MED13: variants seen among roughly 807,000 people sequenced by gnomAD.
The protein encoded by MED13 is mediator of RNA polymerase II transcription subunit 13.
In MED13, 23 loss-of-function variants were observed where a neutral mutation model predicts 225.2. The ratio of observed to expected loss-of-function variants is 0.10; its 90% CI spans 0.07 to 0.14. The LOEUF (loss-of-function observed/expected upper bound fraction) is 0.14, where lower values mean the gene tolerates loss of function less well. Among genes scored for constraint, MED13 ranks in the 10% least tolerant of loss-of-function variants. The pLI is 1.00. For synonymous variants in MED13, 942 were observed against 889.2 expected (o/e 1.06, Z -1.06); for missense variants, 2,197 against 2,594.5 (o/e 0.85, Z 3.33).
intron 9 of MED13, chr17:62,003,623 C>CAAAAAAAAAAAAAAA (rs1335956503): frequency 1.3e-4 from 11 of 86,078 alleles, no homozygotes; most frequent in Non-Finnish European, 1.1e-4. Context: ...AAAAAAAAAG[C>CAAAAAAAAAAAAAAA]AAAAAGTGAA....
At position 61,984,667 on chromosome 17, in the gene MED13, T is replaced by C. The variant is rs1389107823; in HGVS notation, c.2675A>G (p.Lys892Arg). Reference sequence around the variant, plus strand: ...CATACTTACTTTAATTTCAGAAGGTTTGGGGCTACAGAATCCCTCATCAAC... The same window carrying C: ...CATACTTACTTTAATTTCAGAAGGTCTGGGGCTACAGAATCCCTCATCAAC... Reference protein sequence around the residue: ...IEVDEGFCSPKPSEIKDFSYV... With the variant: ...IEVDEGFCSPRPSEIKDFSYV... The change falls in exon 14 of 30, where the codon AAA becomes AGA. Residue 892 changes from lysine (K) to arginine (R), a missense_variant. By Grantham distance (26) the Lys-to-Arg change is conservative (BLOSUM62 2). Transcript: ENST00000397786. 2 of 1,611,822 alleles carry C rather than the reference T, an allele frequency of 1.2e-6. No individual in the cohort carries two copies. Among genetic ancestry groups the C allele is most frequent in the South Asian group, 2.2e-5 (2 of 90,470 alleles).
Position 61,943,828 on chromosome 17 carries a change from T to C in MED13, c.*2640A>G, listed in dbSNP as rs1233002705. On this transcript the variant is annotated 3_prime_UTR_variant, in exon 30 of 30. Transcript: ENST00000397786. The stretch of plus-strand genomic sequence containing the variant: ...AATACTGAACTTCCACCCTGCTTAA[T>C]AATCATGGATACCTGCACAAAAAAA... 6.6e-6 allele frequency: 1 copy of C among 152,556 alleles called. No individual in the cohort carries two copies. Among genetic ancestry groups the C allele is most frequent in the Non-Finnish European group, 1.5e-5 (1 of 67,994 alleles). The allele number at this position is 152,556 out of a possible 1,614,324, so 9.5% of individuals were successfully genotyped here.
At chr17:62,017,134 G>T (rs890003461) in intron 8 of MED13, among the ~76,000 whole-genome samples, 2 of 149,732 alleles carry the variant, frequency 1.3e-5, no homozygotes, top group Non-Finnish European at 3.0e-5. Flanking sequence ...ACGAATGGTT[G>T]ATAAACAGGA....
chr17:62,005,532 G>T, intron 9 of MED13: 1 of 152,376 alleles, frequency 6.6e-6, no homozygotes, highest in Non-Finnish European at 1.5e-5. Flanking sequence ...CGTGAACCTG[G>T]GAGGTGGAAG....
At chr17:61,950,487 G>A (rs1044481455) in intron 28 of MED13, among the ~76,000 whole-genome samples, 2 of 151,596 alleles carry the variant, frequency 1.3e-5, no homozygotes, top group African/African-American at 4.8e-5. Flanking sequence ...AGGTTCAAGC[G>A]ATTCTCCTGC....
chr17:62,023,317 T>C (rs16945785), intron 8 of MED13, among the ~76,000 whole-genome samples: 10,155 of 152,160 alleles, frequency 0.067, 590 homozygotes, highest in South Asian at 0.31. Flanking sequence ...GAACCGGTTA[T>C]ACAAAACAGA....
chr17:61,966,064 C>T (rs1438044024), intron 19 of MED13, among the ~76,000 whole-genome samples: 1 of 152,164 alleles, frequency 6.6e-6, no homozygotes, highest in Non-Finnish European at 1.5e-5. Flanking sequence ...TTAGCTACAA[C>T]AAAGAACTAT....
At chr17:61,969,233 T>G (rs1470096303) in intron 17 of MED13, among the ~76,000 whole-genome samples, 1 of 152,176 alleles carries the variant, frequency 6.6e-6, no homozygotes, top group East Asian at 1.9e-4. Context: ...TGCATGCCTG[T>G]AATCCCAGCT....
At chr17:61,970,146 AAAC>A (rs1347877187) in intron 17 of MED13, among the ~76,000 whole-genome samples, 4 of 152,238 alleles carry the variant, frequency 2.6e-5, no homozygotes, top group Non-Finnish European at 5.9e-5. Flanking sequence ...CATAAGGCAG[AAAC>A]TATTATTAAC....
At chr17:62,022,939 G>A (rs938932121) in intron 8 of MED13, among the ~76,000 whole-genome samples, 1 of 151,820 alleles carries the variant, frequency 6.6e-6, no homozygotes, top group South Asian at 2.1e-4. Flanking sequence ...CAGCCCAGGA[G>A]TTTGAGGCTA....
intron 27 of MED13, among the ~76,000 whole-genome samples, chr17:61,951,348 C>T (rs950812653): frequency 1.3e-5 from 2 of 152,098 alleles, no homozygotes; most frequent in Non-Finnish European, 2.9e-5. Context: ...GTCCTGAAAA[C>T]CACACCCCAA....
At chr17:61,953,987 A>G (rs1297144802) in intron 26 of MED13, among the ~76,000 whole-genome samples, 1 of 152,170 alleles carries the variant, frequency 6.6e-6, no homozygotes, top group Non-Finnish European at 1.5e-5. Flanking sequence ...TAAGAGATTA[A>G]CAACGAGAAT....
At position 61,950,843 on chromosome 17, in the gene MED13, C is replaced by A; in HGVS notation, c.6273G>T (p.Gln2091His). ...FWSACPQAQY[Q>H]CPLFLKASLH... ...GCAATACCTTAAGAAAAAGGGGACA[C>A]TGATATTGTGCTTGAGGACATGCTG... Residue 2091 changes from glutamine to histidine, a missense_variant, in exon 28 of 30, where the codon CAG becomes CAT. Gln to His is a conservative substitution (Grantham distance 24). Transcript: ENST00000397786. 6.2e-6 allele frequency: 10 copies of A among 1,612,164 alleles called. No individual in the cohort carries two copies. Among genetic ancestry groups the A allele is most frequent in the Non-Finnish European group, 8.5e-6 (10 of 1,179,084 alleles).
Position 61,961,059 on chromosome 17 carries a change from G to T in MED13, c.5288C>A (p.Pro1763His), listed in dbSNP as rs368233206. The T allele has an allele frequency of 1.2e-6, 2 of 1,613,722 alleles. No homozygotes were observed. The highest frequency in any genetic ancestry group is 1.7e-6 in the Non-Finnish European group (2 of 1,179,934). Residue 1763 changes from proline (P) to histidine (H), a missense_variant, in exon 23 of 30, where the codon CCT (proline) becomes CAT (histidine). Pro to His is a moderately conservative substitution (Grantham distance 77). Coordinates refer to ENST00000397786, the MANE Select transcript of MED13 (RefSeq NM_005121.3). ...RPECIRLYAP[P>H]FILAPVKDKQ... ...GTCCTTCACTGGAGCCAGAATAAAA[G>T]GAGGTGCATAAAGTCGAATACACTC...
At chr17:61,997,975 A>C (rs1017514790) in intron 9 of MED13, among the ~76,000 whole-genome samples, 1 of 152,234 alleles carries the variant, frequency 6.6e-6, no homozygotes, top group Non-Finnish European at 1.5e-5. Context: ...TATTTTATTG[A>C]ATCATTCTCA....
At chr17:62,037,859 G>A (rs761684638) in intron 3 of MED13, among the ~76,000 whole-genome samples, 3 of 149,256 alleles carry the variant, frequency 2.0e-5, no homozygotes, top group African/African-American at 4.9e-5. Context: ...GGAGGCTGAG[G>A]CAGGAGAATC....
Position 61,942,788 on chromosome 17 carries a change from T to C in MED13, c.*3680A>G, listed in dbSNP as rs540675419. 1 of 152,488 alleles carries C rather than the reference T, an allele frequency of 6.6e-6. No homozygotes were observed. Among genetic ancestry groups the C allele is most frequent in the African/African-American group, 2.4e-5 (1 of 41,444 alleles). 9.4% of individuals were successfully genotyped at this position (152,488 alleles called of 1,614,324 possible). A position where few individuals can be genotyped will look rare whatever the true frequency, so the allele number is the denominator to read the frequency against. On this transcript the variant is annotated 3_prime_UTR_variant, in exon 30 of 30. Coordinates refer to ENST00000397786, the MANE Select transcript of MED13 (RefSeq NM_005121.3). ...TTTGTCACGTTAAAAAGAAAAGCAA[T>C]TGGACCATATTAAATGTCACTGCTA...
intron 28 of MED13, 29 bp from the exon 29 acceptor site, chr17:61,947,046 C>T (rs755875985): frequency 6.7e-7 from 1 of 1,483,226 alleles, no homozygotes; most frequent in Non-Finnish European, 9.4e-7. Context: ...ATCAATCAGT[C>T]AGCCAAACAG....
chr17:61,971,802 C>T (rs1388144023), intron 17 of MED13, among the ~76,000 whole-genome samples: 6 of 151,818 alleles, frequency 4.0e-5, no homozygotes, highest in African/African-American at 1.5e-4. Context: ...GGCATGGTGG[C>T]GTGCACCCAT....
Sources: gnomAD v4.1 joint callset for allele counts (sites outside exome capture counted in the v4.1 genomes callset) on GRCh38, gnomAD v4.1.1 for gene constraint, MANE v1.5 for transcripts, NCBI Gene and HGNC (gene_info 2026-07-23, HGNC 2026-07-21) for gene names.